The following GALNT13 variants were observed in gnomAD, a reference collection of about 807,000 sequenced individuals.
The protein encoded by GALNT13 is polypeptide N-acetylgalactosaminyltransferase 13.
Under a neutral mutation model 64.2 loss-of-function variants are expected in GALNT13, and 28 were observed. That is an observed-to-expected ratio of 0.44 (90% CI 0.32 to 0.60). The LOEUF is 0.60. GALNT13 is among the 20% of genes least tolerant of loss of function. The pLI, the probability that GALNT13 is intolerant of heterozygous loss-of-function variation, is 0.05. For missense variants in GALNT13, 577 were observed against 669.8 expected (o/e 0.86, Z 1.53); for synonymous variants, 214 against 224.6 (o/e 0.95, Z 0.42).
At chr2:153,962,902 T>C (rs1693040413) in intron 3 of GALNT13, among the ~76,000 whole-genome samples, 1 of 152,228 alleles carries the variant, frequency 6.6e-6, no homozygotes, top group Non-Finnish European at 1.5e-5. Context: ...CTACTCAGCA[T>C]AAGTGTTTTG....
intron 3 of GALNT13, among the ~76,000 whole-genome samples, chr2:154,130,183 G>A (rs1312378026): frequency 6.6e-6 from 1 of 152,094 alleles, no homozygotes; most frequent in Non-Finnish European, 1.5e-5. Context: ...GGTTGAGAGA[G>A]CCAACCTTAG....
At chr2:153,596,191 G>GA in the GALNT13 span, among the ~76,000 whole-genome samples, 1 of 152,204 alleles carries the variant, frequency 6.6e-6, no homozygotes, top group Non-Finnish European at 1.5e-5. Context: ...TGAGTTCTGA[G>GA]AGGGAGTGTT....
the GALNT13 span, among the ~76,000 whole-genome samples, chr2:153,428,681 A>G: frequency 2.6e-5 from 4 of 152,228 alleles, no homozygotes. Context: ...AGAAACAGGC[A>G]GGGCCCAGGT....
chr2:153,607,897 G>A, the GALNT13 span, among the ~76,000 whole-genome samples: 1 of 152,132 alleles, frequency 6.6e-6, no homozygotes, highest in Non-Finnish European at 1.5e-5. Context: ...TTTTCATCTA[G>A]CCACACATAG....
At chr2:154,364,589 AC>A (rs1315321772) in intron 9 of GALNT13, among the ~76,000 whole-genome samples, 3 of 152,154 alleles carry the variant, frequency 2.0e-5, no homozygotes, top group African/African-American at 7.2e-5. Context: ...TTAGAATTAA[AC>A]TTTTAATCTG....
At chr2:153,754,593 G>C in the GALNT13 span, among the ~76,000 whole-genome samples, 1 of 152,102 alleles carries the variant, frequency 6.6e-6, no homozygotes. Context: ...CCGCTGCTCT[G>C]CTCAAGTAGT....
At chr2:153,402,331 C>CTT in the GALNT13 span, among the ~76,000 whole-genome samples, 1 of 151,478 alleles carries the variant, frequency 6.6e-6, no homozygotes, top group Non-Finnish European at 1.5e-5. Flanking sequence ...TTGAGGGTAA[C>CTT]CCGACCTTTC....
the GALNT13 span, among the ~76,000 whole-genome samples, chr2:153,495,064 A>T: frequency 1.3e-5 from 2 of 152,124 alleles, no homozygotes; most frequent in Non-Finnish European, 2.9e-5. Context: ...AAATAGACAC[A>T]ATTTTACTTC....
At chr2:153,901,977 C>T (rs909721682) in intron 2 of GALNT13, among the ~76,000 whole-genome samples, 5 of 152,096 alleles carry the variant, frequency 3.3e-5, no homozygotes, top group African/African-American at 1.2e-4. Flanking sequence ...ACTTACCATT[C>T]TCTTCCCTCT....
At chr2:154,269,023 G>A (rs559406381) in intron 8 of GALNT13, among the ~76,000 whole-genome samples, 1 of 152,070 alleles carries the variant, frequency 6.6e-6, no homozygotes, top group African/African-American at 2.4e-5. Context: ...GAAGAATATA[G>A]CTAAGTGAAA....
chr2:153,479,960 T>G, the GALNT13 span, among the ~76,000 whole-genome samples: 1 of 152,178 alleles, frequency 6.6e-6, no homozygotes, highest in Non-Finnish European at 1.5e-5. Flanking sequence ...CCTCTTTCTT[T>G]CAGCTGTAAC....
the GALNT13 span, among the ~76,000 whole-genome samples, chr2:153,616,921 C>T: frequency 1.3e-5 from 2 of 151,738 alleles, no homozygotes; most frequent in South Asian, 2.1e-4. Flanking sequence ...TATATATGCA[C>T]CCAACATGGG....
intron 8 of GALNT13, among the ~76,000 whole-genome samples, chr2:154,269,925 T>TATATATATATA (rs1421612508): frequency 3.6e-5 from 5 of 139,224 alleles, no homozygotes; most frequent in African/African-American, 1.1e-4. Flanking sequence ...TATATATATA[T>TATATATATATA]TTCTAAAGCA....
At chr2:153,817,325 C>T in the GALNT13 span, among the ~76,000 whole-genome samples, 2 of 152,202 alleles carry the variant, frequency 1.3e-5, no homozygotes, top group African/African-American at 4.8e-5. Flanking sequence ...GGCCTATCTG[C>T]ATACTTTCTC....
At chr2:153,842,760 C>T in the GALNT13 span, among the ~76,000 whole-genome samples, 16 of 151,258 alleles carry the variant, frequency 1.1e-4, no homozygotes, top group Non-Finnish European at 1.8e-4. Context: ...ACACACACAC[C>T]TACACTGGAC....
chr2:153,513,175 T>G, the GALNT13 span, among the ~76,000 whole-genome samples: 1 of 152,272 alleles, frequency 6.6e-6, no homozygotes, highest in East Asian at 1.9e-4. Context: ...CAGACTCTCA[T>G]GTGTTCTTCT....
At chr2:153,534,629 T>C in the GALNT13 span, among the ~76,000 whole-genome samples, 226 of 151,526 alleles carry the variant, frequency 1.5e-3, 4 homozygotes, top group Admixed American at 2.6e-3. Context: ...GTGGGCCGTT[T>C]TATAGGATTT....
At chr2:154,380,218 TTA>T (rs1297448203) in intron 9 of GALNT13, among the ~76,000 whole-genome samples, 2 of 152,038 alleles carry the variant, frequency 1.3e-5, no homozygotes, top group South Asian at 4.1e-4. Flanking sequence ...GTATTAAAAA[TTA>T]TATGTTTTAC....
intron 3 of GALNT13, among the ~76,000 whole-genome samples, chr2:154,119,812 T>C (rs1453488775): frequency 1.3e-5 from 2 of 152,164 alleles, no homozygotes; most frequent in South Asian, 2.1e-4. Context: ...AAACTAATCA[T>C]TTTTGTGTAT....
Sources: gnomAD v4.1 joint callset for allele counts (sites outside exome capture counted in the v4.1 genomes callset) on GRCh38, gnomAD v4.1.1 for gene constraint, MANE v1.5 for transcripts, NCBI Gene and HGNC (gene_info 2026-07-23, HGNC 2026-07-21) for gene names.